The following CAD variants were observed in gnomAD, a reference collection of about 807,000 sequenced individuals.
The protein encoded by CAD is carbamoyl-phosphate synthetase 2, aspartate transcarbamylase, and dihydroorotase.
In CAD, 81 loss-of-function variants were observed where a neutral mutation model predicts 237.2. The observed-to-expected ratio is 0.34, with a 90% CI of 0.29 to 0.41. The LOEUF (loss-of-function observed/expected upper bound fraction) is 0.41, where lower values mean the gene tolerates loss of function less well. CAD is among the 10% of genes least tolerant of loss of function. CAD has a pLI of 1.00. For missense variants in CAD, 2,181 were observed against 2,951.7 expected, an observed-to-expected ratio of 0.74 and a Z score of 6.05; for synonymous variants, 1,196 against 1,162.8, an observed-to-expected ratio of 1.03 and a Z score of -0.58.
Position 27,222,542 on chromosome 2 carries a change from G to A in CAD, c.519G>A (p.Gly173=), listed in dbSNP as rs370357788. The A allele has an allele frequency of 1.9e-6, 3 of 1,614,106 alleles. No individual in the cohort carries two copies. Among genetic ancestry groups the A allele is most frequent in the Non-Finnish European group, 2.5e-6 (3 of 1,180,010 alleles). ...SIKTPRVFNT[G]GAPRILALDC... is the part of the protein sequence containing the mutation. ...AGACTCCACGGGTATTCAATACAGG[G>A]GGTGCCCCTCGGATCCTTGCTTTGG... The change falls in exon 5 of 44, where the codon GGG becomes GGA. Residue 173 remains glycine (G), a synonymous_variant. Transcript: ENST00000264705.
chr2:27,221,121 A>G (rs893522850), intron 2 of CAD, 97 bp from the exon 3 acceptor site: 37 of 1,055,988 alleles, frequency 3.5e-5, no homozygotes, highest in African/African-American at 6.4e-5. Flanking sequence ...AGGCCATTCA[A>G]TGTGGCTGAA....
At position 27,233,305 on chromosome 2, in the gene CAD, A is replaced by G; in HGVS notation, c.2992-7A>G. The G allele has an allele frequency of 2.5e-6, 4 of 1,611,724 alleles. No individual in the cohort carries two copies. The highest frequency in any genetic ancestry group is 2.2e-5 in the East Asian group (1 of 44,852). On this transcript the variant is annotated splice_region_variant and splice_polypyrimidine_tract_variant and intron_variant, in intron 19 of 43. Transcript: ENST00000264705. The surrounding 1 kb of genome is among the most constrained non-coding windows in gnomAD (Gnocchi z 6.3). ...TGCCACCACTTGTTTCTCCCCCTGC[A>G]ACGTAGGTGGTGATGGACATCTATG...
Position 27,226,638 on chromosome 2 carries a change from G to A in CAD, c.2145G>A (p.Leu715=), listed in dbSNP as rs758120487. Residue 715 remains leucine (L), a synonymous_variant, in exon 14 of 44, where the codon TTG becomes TTA. Coordinates refer to ENST00000264705, the MANE Select transcript of CAD (RefSeq NM_004341.5). Reference sequence around the variant, plus strand: ...CCAAGCTAGCATTGGGCATCCCTTTGCCTGAGCTCAGGTACGAGGATGAGG... The same window carrying A: ...CCAAGCTAGCATTGGGCATCCCTTTACCTGAGCTCAGGTACGAGGATGAGG... ...VAAKLALGIP[L]PELRNSVTGG... 10 of 1,614,128 alleles carry A rather than the reference G, an allele frequency of 6.2e-6. 1 individual carries two copies. The South Asian group carries it at 8.8e-5, about 14-fold the overall frequency.
At chr2:27,228,000 C>T (rs1675522795) in intron 15 of CAD, among the ~76,000 whole-genome samples, 1 of 152,184 alleles carries the variant, frequency 6.6e-6, no homozygotes, top group African/African-American at 2.4e-5. Flanking sequence ...TTTAACAAAT[C>T]TCAAAATAAA....
rs1215769472 is a variant in CAD at position 27,235,822 on chromosome 2, G to A, written c.4074+182G>A. On this transcript the variant is annotated intron_variant, in intron 25 of 43. Transcript: ENST00000264705. The surrounding 1 kb of genome is among the most constrained non-coding windows in gnomAD (Gnocchi z 5.2). ...AGAGGCTGCAGTGAGCTGCGAGTGT[G>A]CAGTGAGTGCACCACTGCACTCCAG... The A allele has an allele frequency of 3.5e-6, 2 of 578,970 alleles. No homozygotes were observed. The highest frequency in any genetic ancestry group is 1.9e-5 in the African/African-American group (1 of 52,924). The allele number at this position is 578,970 out of a possible 1,614,324, so 35.9% of individuals were successfully genotyped here. A position where few individuals can be genotyped will look rare whatever the true frequency, so the allele number is the denominator to read the frequency against.
intron 11 of CAD, 146 bp from the exon 12 acceptor site, chr2:27,225,557 GAC>G (rs751851349): frequency 2.2e-6 from 1 of 456,776 alleles, no homozygotes; most frequent in Non-Finnish European, 3.7e-6. Context: ...CCACCCCCCC[GAC>G]CCTCGGCCTC....
intron 15 of CAD, among the ~76,000 whole-genome samples, chr2:27,229,382 C>T (rs559553488): frequency 6.2e-4 from 94 of 152,214 alleles, no homozygotes; most frequent in Non-Finnish European, 1.1e-3. Context: ...ATCTCCCACC[C>T]CATCCTTCTG....
rs752424163 is a variant in CAD, at chr2:27,238,176, C to T, written c.4849C>T (p.Arg1617Trp). 1.2e-6 allele frequency: 2 copies of T among 1,613,938 alleles called. No individual in the cohort carries two copies. Among genetic ancestry groups the T allele is most frequent in the Non-Finnish European group, 1.7e-6 (2 of 1,179,994 alleles). The change falls in exon 30 of 44, where the codon CGG (arginine) becomes TGG (tryptophan). Residue 1617 changes from arginine (R) to tryptophan (W), a missense_variant. This residue lies in a region of CAD where 478 missense variants were observed against 515.0 expected (regional missense o/e 0.93). Coordinates refer to ENST00000264705, the MANE Select transcript of CAD (RefSeq NM_004341.5). ...QRSVHICHVA[R>W]KEEILLIKAA... ...CTCAGTGCACATATGTCACGTGGCA[C>T]GGAAGGAGGAGGTAAGAGTACACCT...
At chr2:27,220,581 T>C (rs1383540026) in intron 2 of CAD, among the ~76,000 whole-genome samples, 1 of 151,546 alleles carries the variant, frequency 6.6e-6, no homozygotes, top group African/African-American at 2.4e-5. Context: ...GCCCAGGAGA[T>C]TGAGGCTGTA....
rs1432906098 is a variant in CAD at position 27,217,595 on chromosome 2, A to G, written c.44A>G (p.Gln15Arg). Residue 15 changes from glutamine to arginine, a missense_variant, in exon 1 of 44, where the codon CAG becomes CGG. Coordinates refer to ENST00000264705, the MANE Select transcript of CAD (RefSeq NM_004341.5). ...VLEDGSVLRGQPFGAAVSTAG... is the reference protein window; with the variant it reads ...VLEDGSVLRGRPFGAAVSTAG... ...GAGGACGGGTCGGTCCTGCGGGGCC[A>G]GCCCTTTGGGGCCGCCGTGTCGACT... 5 of 1,608,748 alleles carry G rather than the reference A, an allele frequency of 3.1e-6. No individual in the cohort carries two copies. The Admixed American group carries it at 6.7e-5, about 22-fold the overall frequency.
In CAD at chr2:27,241,648, A is replaced by G. The variant is rs570630517; in HGVS notation, c.5883+252A>G. Among the ~76,000 whole-genome samples the G allele has an allele frequency of 1.3e-5, 2 of 152,302 alleles. No homozygotes were observed. The highest frequency in any genetic ancestry group is 3.9e-4 in the East Asian group (2 of 5,184). ...GGGTCTTCTGGTCTGGGCTGCTGCA[A>G]TCATGGGAGAGAGCTAGGGTGTGTC... On this transcript the variant is annotated intron_variant, in intron 38 of 43. Coordinates refer to ENST00000264705, the MANE Select transcript of CAD (RefSeq NM_004341.5). The surrounding 1 kb of genome is among the most constrained non-coding windows in gnomAD (Gnocchi z 4.6).
rs948112061 is a variant in CAD at position 27,217,397 on chromosome 2, C to G, written c.-155C>G. 10 of 679,032 alleles carry G rather than the reference C, an allele frequency of 1.5e-5. No individual in the cohort carries two copies. Among genetic ancestry groups the G allele is most frequent in the Non-Finnish European group, 2.1e-5 (8 of 384,008 alleles). The allele number at this position is 679,032 out of a possible 1,614,324, so 42.1% of individuals were successfully genotyped here. ...CTCTGCTGCTGCCGCCAAGCGCGCC[C>G]GAGGCTCCTACGCTGCCGCGCCCGG... is the stretch of plus-strand genomic sequence containing the variant. On this transcript the variant is annotated 5_prime_UTR_variant, in exon 1 of 44. Coordinates refer to ENST00000264705, the MANE Select transcript of CAD (RefSeq NM_004341.5).
chr2:27,222,835 A>AT (rs1431359200), intron 5 of CAD, 31 bp from the exon 6 acceptor site: 1 of 1,610,346 alleles, frequency 6.2e-7, no homozygotes, highest in African/African-American at 1.3e-5. Context: ...TGAAATACTG[A>AT]TTTTGATGTC....
chr2:27,229,283 T>G (rs1008899269), intron 15 of CAD, among the ~76,000 whole-genome samples: 1 of 152,120 alleles, frequency 6.6e-6, no homozygotes, highest in African/African-American at 2.4e-5. Context: ...AAACTTTTTT[T>G]TTTAATACGG....
In CAD at chr2:27,234,023, G is replaced by A. The variant is rs758943708; in HGVS notation, c.3415G>A (p.Ala1139Thr). 6 of 1,613,968 alleles carry A rather than the reference G, an allele frequency of 3.7e-6. No individual in the cohort carries two copies. Among genetic ancestry groups the A allele is most frequent in the Non-Finnish European group, 4.2e-6 (5 of 1,179,940 alleles). Residue 1139 changes from alanine (A) to threonine (T), a missense_variant, in exon 22 of 44, where the codon GCC becomes ACC. Transcript: ENST00000264705. ...IQEAKEIDVD[A>T]VASDGVVAAI... ...CCCCCGCTAGGAGATTGACGTGGAT[G>A]CCGTGGCCTCTGATGGTGTGGTGGC...
chr2:27,237,981 T>C lies in CAD; in HGVS notation c.4729-75T>C. ...GGTAGCAGTGAGGATTCAGGGGAGC[T>C]CCTGGGGACTCTGGGCTCTGATGAG... On this transcript the variant is annotated intron_variant, in intron 29 of 43. Transcript: ENST00000264705. This position sits in a 1 kb window ranked among gnomAD's most constrained non-coding sequence, Gnocchi z 4.0. The C allele has an allele frequency of 1.3e-6, 2 of 1,587,088 alleles. No homozygotes were observed. The highest frequency in any genetic ancestry group is 2.2e-5 in the East Asian group (1 of 44,536).
At position 27,226,184 on chromosome 2, in the gene CAD, A is replaced by G; in HGVS notation, c.1896A>G (p.Ile632Met). ...TGGGCATCCACACTGGTGAGTCCATAGTGGTGGCCCCTAGCCAGACACTGA... is the reference window on the plus strand; with the variant it reads ...TGGGCATCCACACTGGTGAGTCCATGGTGGTGGCCCCTAGCCAGACACTGA... ...DPLGIHTGES[I>M]VVAPSQTLND... Residue 632 changes from isoleucine to methionine, a missense_variant, in exon 13 of 44, where the codon ATA (isoleucine) becomes ATG (methionine). By Grantham distance (10) the Ile-to-Met change is conservative. This residue lies in a region of CAD where 385 missense variants were observed against 535.1 expected (regional missense o/e 0.72). Transcript: ENST00000264705. 6.2e-7 allele frequency: 1 copy of G among 1,614,074 alleles called. No individual in the cohort carries two copies. The highest frequency in any genetic ancestry group is 8.5e-7 in the Non-Finnish European group (1 of 1,179,912).
In CAD at chr2:27,231,228, G is replaced by A. The variant is rs373190509; in HGVS notation, c.2288-240G>A. 1.4e-4 allele frequency among the ~76,000 whole-genome samples: 21 copies of A among 152,220 alleles called. No individual in the cohort carries two copies. The Middle Eastern group carries it at 0.01, about 74-fold the overall frequency. ...TCACCATGTTAGCCAGGATGGTCTCGATCTCCTGACCTCGTGATCCTTCCG... is the reference window on the plus strand; with the variant it reads ...TCACCATGTTAGCCAGGATGGTCTCAATCTCCTGACCTCGTGATCCTTCCG... On this transcript the variant is annotated intron_variant, in intron 15 of 43. Transcript: ENST00000264705.
intron 2 of CAD, among the ~76,000 whole-genome samples, chr2:27,218,601 T>G (rs986083519): frequency 3.9e-5 from 6 of 152,184 alleles, no homozygotes; most frequent in African/African-American, 1.4e-4. Context: ...TGACATTATC[T>G]TCTAGACCTA....
Sources: allele counts gnomAD v4.1 joint callset (sites outside exome capture counted in the v4.1 genomes callset), GRCh38; gene constraint gnomAD v4.1.1; regional missense constraint gnomAD v4.1.1; non-coding constraint Gnocchi (gnomAD v3.1); transcripts MANE v1.5; gene names NCBI Gene and HGNC (gene_info 2026-07-23, HGNC 2026-07-21).